CDK1: variants seen among roughly 807,000 people sequenced by gnomAD.
The protein encoded by CDK1 is cyclin-dependent kinase 1.
Under a neutral mutation model 34.6 loss-of-function variants are expected in CDK1, and 5 were observed. The ratio of observed to expected loss-of-function variants is 0.14; its 90% CI spans 0.08 to 0.30. The LOEUF is 0.30. Ranked by LOEUF, CDK1 falls within the 10% of genes least tolerant of loss-of-function variation. CDK1 has a pLI of 1.00. For missense variants in CDK1, 157 were observed against 345.7 expected, an observed-to-expected ratio of 0.45 and a Z score of 4.33; for synonymous variants, 108 against 114.7, an observed-to-expected ratio of 0.94 and a Z score of 0.37.
intron 2 of CDK1, among the ~76,000 whole-genome samples, chr10:60,784,347 T>C (rs2080297436): frequency 1.3e-5 from 2 of 152,182 alleles, no homozygotes; most frequent in South Asian, 4.1e-4. Flanking sequence ...TCCTTTAGTT[T>C]GACCAGGTGC....
At chr10:60,789,695 C>T (rs898452177) in intron 5 of CDK1, among the ~76,000 whole-genome samples, 2 of 152,146 alleles carry the variant, frequency 1.3e-5, no homozygotes, top group African/African-American at 4.8e-5. Flanking sequence ...GTGAATAGTG[C>T]TTCAATAAAC....
In CDK1 at chr10:60,793,861, T is replaced by C; in HGVS notation, c.796-16T>C. ...TTATTTCCTAAATAAATATCTCTTT[T>C]TCTTTTTTCTCCCAGAAAATGTTAA... On this transcript the variant is annotated splice_polypyrimidine_tract_variant and intron_variant, in intron 7 of 7. Transcript: ENST00000395284. 7.1e-7 allele frequency: 1 copy of C among 1,403,840 alleles called. No individual in the cohort carries two copies. Among genetic ancestry groups the C allele is most frequent in the Non-Finnish European group, 9.8e-7 (1 of 1,015,680 alleles). 87.0% of individuals were successfully genotyped at this position (1,403,840 alleles called of 1,614,324 possible).
intron 4 of CDK1, chr10:60,786,969 G>C (rs1036241997): frequency 2.0e-6 from 2 of 983,188 alleles, no homozygotes; most frequent in African/African-American, 3.5e-5. Flanking sequence ...GGTAGTTTTA[G>C]TAAGTCCTGT....
intron 5 of CDK1, among the ~76,000 whole-genome samples, chr10:60,788,473 G>T (rs867119789): frequency 6.6e-6 from 1 of 152,050 alleles, no homozygotes; most frequent in African/African-American, 2.4e-5. Flanking sequence ...GACATGGCAG[G>T]AGGAAGGAGT....
chr10:60,780,184 A>G lies in CDK1; in HGVS notation c.19A>G (p.Ile7Val). Residue 7 changes from isoleucine to valine, a missense_variant, in exon 2 of 8, where the codon ATA becomes GTA. Coordinates refer to ENST00000395284, the MANE Select transcript of CDK1 (RefSeq NM_001786.5). ...ACTAACTATGGAAGATTATACCAAAATAGAGAAAATTGGAGAAGGTGAGTG... is the reference window on the plus strand; with the variant it reads ...ACTAACTATGGAAGATTATACCAAAGTAGAGAAAATTGGAGAAGGTGAGTG... MEDYTK[I>V]EKIGEGTYGV... is the part of the protein sequence containing the mutation. 6.5e-7 allele frequency: 1 copy of G among 1,536,018 alleles called. No individual in the cohort carries two copies. Among genetic ancestry groups the G allele is most frequent in the Non-Finnish European group, 9.0e-7 (1 of 1,109,248 alleles).
chr10:60,785,565 T>G, intron 3 of CDK1, 99 bp from the exon 4 acceptor site: 1 of 737,606 alleles, frequency 1.4e-6, no homozygotes, highest in Non-Finnish European at 2.2e-6. Context: ...TTCCCCAGTT[T>G]TTATTATAGC....
In CDK1 at chr10:60,784,670, G is replaced by A. The variant is rs548357947; in HGVS notation, c.38-35G>A. ...GAAAAAAAGATCTTTAGTTTGTGGG[G>A]TGTGTCACACAGCATATTATTTACT... On this transcript the variant is annotated intron_variant, in intron 2 of 7. Coordinates refer to ENST00000395284, the MANE Select transcript of CDK1 (RefSeq NM_001786.5). The A allele has an allele frequency of 1.5e-5, 23 of 1,532,864 alleles. No homozygotes were observed. In the South Asian group the frequency reaches 2.8e-4, roughly 18 times the overall value. The allele number at this position is 1,532,864 out of a possible 1,614,324, so 95.0% of individuals were successfully genotyped here.
At chr10:60,786,330 AGAT>A in intron 4 of CDK1, 2 of 926,112 alleles carry the variant, frequency 2.2e-6, no homozygotes, top group African/African-American at 1.8e-5. Context: ...ATGTATATAA[AGAT>A]TTTTTTTTTT....
chr10:60,785,822 A>T (rs142079607), intron 4 of CDK1, 35 bp downstream of exon 4: 1 of 1,551,450 alleles, frequency 6.4e-7, no homozygotes, highest in African/African-American at 1.4e-5. Context: ...ATATTTATGC[A>T]CTGTGGATAT....
At chr10:60,779,062 G>A (rs144040885) in intron 1 of CDK1, among the ~76,000 whole-genome samples, 2 of 152,346 alleles carry the variant, frequency 1.3e-5, no homozygotes, top group Non-Finnish European at 2.9e-5. Context: ...AACCGATCCT[G>A]GAACTCGTGG....
intron 5 of CDK1, among the ~76,000 whole-genome samples, chr10:60,790,477 G>A (rs1171625094): frequency 1.3e-5 from 2 of 152,084 alleles, no homozygotes; most frequent in East Asian, 3.9e-4. Context: ...GAACTCCTGG[G>A]CTCATGCAAT....
rs190104823 is a variant in CDK1 at position 60,779,860 on chromosome 10, C to T, written c.-25-281C>T. ...CTGGTTTTTGTTTGGAAAGAATAGA[C>T]AAGTTGATACCTGAATTTGAGGGTT... On this transcript the variant is annotated intron_variant, in intron 1 of 7. Coordinates refer to ENST00000395284, the MANE Select transcript of CDK1 (RefSeq NM_001786.5). Among the ~76,000 whole-genome samples the T allele has an allele frequency of 2.9e-3, 436 of 152,208 alleles. 3 individuals carry two copies. Among genetic ancestry groups the T allele is most frequent in the Non-Finnish European group, 5.0e-3 (339 of 67,984 alleles).
At position 60,787,271 on chromosome 10, in the gene CDK1, C is replaced by A. The variant is rs1035367850; in HGVS notation, c.319-789C>A. 2.0e-5 allele frequency among the ~76,000 whole-genome samples: 3 copies of A among 152,160 alleles called. No individual in the cohort carries two copies. In the South Asian group the frequency reaches 6.2e-4, roughly 32 times the overall value. The stretch of plus-strand genomic sequence containing the variant: ...GGTATTCAACACTTCCAACTATATG[C>A]TAATGTAAGTGTTTTGAGCACAATT... On this transcript the variant is annotated intron_variant, in intron 4 of 7. Coordinates refer to ENST00000395284, the MANE Select transcript of CDK1 (RefSeq NM_001786.5).
intron 2 of CDK1, among the ~76,000 whole-genome samples, chr10:60,780,717 A>G: frequency 6.6e-6 from 1 of 152,164 alleles, no homozygotes. Context: ...CTATTCTAAA[A>G]TTATAACTTA....
chr10:60,786,848 C>T (rs185836343), intron 4 of CDK1: 16 of 967,218 alleles, frequency 1.7e-5, no homozygotes, highest in African/African-American at 1.1e-4. Context: ...CGTTAGGATA[C>T]GTTCTTTAAC....
At chr10:60,792,422 A>G (rs911507460) in intron 7 of CDK1, 133 bp downstream of exon 7, 1 of 670,768 alleles carries the variant, frequency 1.5e-6, no homozygotes, top group South Asian at 2.9e-5. Context: ...ATTGTATTAT[A>G]CTAGCTTCAT....
chr10:60,784,996 T>C (rs1351379016), intron 3 of CDK1, 135 bp downstream of exon 3: 2 of 717,686 alleles, frequency 2.8e-6, no homozygotes, highest in Non-Finnish European at 4.7e-6. Flanking sequence ...TTTTTGGTAG[T>C]TGAGAATGCC....
At chr10:60,779,301 T>C (rs1484854455) in intron 1 of CDK1, among the ~76,000 whole-genome samples, 2 of 152,174 alleles carry the variant, frequency 1.3e-5, no homozygotes, top group Non-Finnish European at 2.9e-5. Context: ...CAGTGATGGG[T>C]GTTAGAAAAA....
intron 2 of CDK1, among the ~76,000 whole-genome samples, chr10:60,784,474 A>C (rs1321023644): frequency 6.6e-6 from 1 of 152,090 alleles, no homozygotes; most frequent in Non-Finnish European, 1.5e-5. Flanking sequence ...TACCAAAAAG[A>C]CAAAAATTAG....
Sources: allele counts gnomAD v4.1 joint callset (sites outside exome capture counted in the v4.1 genomes callset), GRCh38; gene constraint gnomAD v4.1.1; transcripts MANE v1.5; gene names NCBI Gene and HGNC (gene_info 2026-07-23, HGNC 2026-07-21).